VDAC1: variants seen among roughly 807,000 people sequenced by gnomAD.
The protein encoded by VDAC1 is voltage dependent anion channel 1.
A neutral mutation model predicts 34.7 loss-of-function variants in VDAC1; 10 were observed. The observed-to-expected ratio is 0.29, with a 90% CI of 0.18 to 0.49. VDAC1 has a LOEUF of 0.49. Ranked by LOEUF, VDAC1 falls within the 20% of genes least tolerant of loss-of-function variation. The pLI is 0.99. For synonymous variants in VDAC1, 130 were observed against 136.0 expected (o/e 0.96, Z 0.30); for missense variants, 230 against 347.9 (o/e 0.66, Z 2.69).
the VDAC1 span, among the ~76,000 whole-genome samples, chr5:134,041,229 G>C: frequency 6.6e-6 from 1 of 152,238 alleles, no homozygotes; most frequent in Non-Finnish European, 1.5e-5. Context: ...GGGAATGACA[G>C]AGCTCACCTT....
the VDAC1 span, among the ~76,000 whole-genome samples, chr5:134,073,636 G>A: frequency 6.6e-6 from 1 of 152,206 alleles, no homozygotes; most frequent in African/African-American, 2.4e-5. Context: ...TGGAAACAAT[G>A]TGAATGTTCA....
intron 1 of VDAC1, among the ~76,000 whole-genome samples, chr5:134,003,267 G>C (rs1561602292): frequency 6.6e-6 from 1 of 152,146 alleles, no homozygotes; most frequent in Non-Finnish European, 1.5e-5. Flanking sequence ...AGCTGGGGTG[G>C]GCAGAATGAA....
intron 1 of VDAC1, 200 bp downstream of exon 1, chr5:134,004,695 G>T: frequency 1.3e-5 from 2 of 151,842 alleles, no homozygotes; most frequent in South Asian, 4.0e-4. Flanking sequence ...CGGGGGCTGC[G>T]ACGCGGAGGC....
At chr5:134,081,685 G>GA in the VDAC1 span, among the ~76,000 whole-genome samples, 2 of 151,894 alleles carry the variant, frequency 1.3e-5, no homozygotes, top group Non-Finnish European at 2.9e-5. Flanking sequence ...TCCAGTCTTA[G>GA]AACCTCCCAC....
chr5:134,084,235 G>A, the VDAC1 span, among the ~76,000 whole-genome samples: 1 of 152,188 alleles, frequency 6.6e-6, no homozygotes, highest in Non-Finnish European at 1.5e-5. Flanking sequence ...GGCAGGGAGT[G>A]TGGACACAGA....
the VDAC1 span, among the ~76,000 whole-genome samples, chr5:134,097,438 A>G: frequency 6.6e-6 from 1 of 152,324 alleles, no homozygotes; most frequent in East Asian, 1.9e-4. Context: ...AGGTTTTTAA[A>G]ATTAGATCAT....
chr5:134,092,595 G>A, the VDAC1 span, among the ~76,000 whole-genome samples: 2 of 151,392 alleles, frequency 1.3e-5, no homozygotes, highest in African/African-American at 4.9e-5. Context: ...AGAATCGCTT[G>A]AACCCAGGAG....
chr5:134,051,853 C>T, the VDAC1 span, among the ~76,000 whole-genome samples: 1 of 152,054 alleles, frequency 6.6e-6, no homozygotes, highest in African/African-American at 2.4e-5. Context: ...CACCTGTCAT[C>T]ATGCCCAGCT....
chr5:134,097,833 T>C, the VDAC1 span, among the ~76,000 whole-genome samples: 83 of 152,290 alleles, frequency 5.5e-4, no homozygotes, highest in Middle Eastern at 3.4e-3. Context: ...ACAGTACAAG[T>C]CTTGCCAACA....
At chr5:133,973,389 G>A (rs376233030) in intron 8 of VDAC1, among the ~76,000 whole-genome samples, 3 of 152,186 alleles carry the variant, frequency 2.0e-5, no homozygotes, top group South Asian at 4.1e-4. Context: ...ACTATAATAC[G>A]CCGTGGACTG....
At chr5:134,028,234 G>C in the VDAC1 span, among the ~76,000 whole-genome samples, 2 of 152,036 alleles carry the variant, frequency 1.3e-5, no homozygotes, top group East Asian at 3.9e-4. Context: ...CCAGGTTCAA[G>C]CAATTCTCCT....
chr5:133,996,188 G>A (rs981299564), intron 1 of VDAC1, among the ~76,000 whole-genome samples: 2 of 152,214 alleles, frequency 1.3e-5, no homozygotes, highest in Admixed American at 6.5e-5. Flanking sequence ...TGGGGGCTTT[G>A]TTCCCACTGG....
chr5:134,022,172 C>G, the VDAC1 span, among the ~76,000 whole-genome samples: 1 of 152,174 alleles, frequency 6.6e-6, no homozygotes, highest in African/African-American at 2.4e-5. Context: ...AGCCACTGTG[C>G]CCAGCTGAAA....
chr5:133,973,364 T>C (rs1444980563), intron 8 of VDAC1, among the ~76,000 whole-genome samples: 2 of 152,212 alleles, frequency 1.3e-5, no homozygotes, highest in East Asian at 3.8e-4. Flanking sequence ...GGTTCAAAAG[T>C]GGTTATACAC....
the VDAC1 span, among the ~76,000 whole-genome samples, chr5:134,113,995 G>A: frequency 6.6e-6 from 1 of 152,222 alleles, no homozygotes; most frequent in Non-Finnish European, 1.5e-5. Context: ...GGACTTGGAG[G>A]ATCGGCTGAG....
chr5:133,981,578 A>T (rs1752701124), intron 5 of VDAC1, among the ~76,000 whole-genome samples: 1 of 152,208 alleles, frequency 6.6e-6, no homozygotes, highest in African/African-American at 2.4e-5. Flanking sequence ...AGGAAGTGTT[A>T]GTTAGCCAGA....
At chr5:134,068,966 C>CTGTGTGTGTGTGTGTGTG in the VDAC1 span, among the ~76,000 whole-genome samples, 37 of 136,690 alleles carry the variant, frequency 2.7e-4, no homozygotes, top group African/African-American at 7.7e-4. Flanking sequence ...TGGGAGGTGA[C>CTGTGTGTGTGTGTGTGTG]TGTGTGTGTG....
At chr5:134,102,340 C>A in the VDAC1 span, among the ~76,000 whole-genome samples, 2 of 147,228 alleles carry the variant, frequency 1.4e-5, no homozygotes, top group Non-Finnish European at 2.9e-5. Context: ...CTCTACCCCC[C>A]CCACCCCAAA....
At chr5:134,006,549 C>G (rs1753754672), upstream of VDAC1, among the ~76,000 whole-genome samples, 1 of 152,052 alleles carries the variant, frequency 6.6e-6, no homozygotes, top group Non-Finnish European at 1.5e-5. Context: ...TCGAGACCAG[C>G]CTGGGCAACA....
Sources: gnomAD v4.1 joint callset for allele counts (sites outside exome capture counted in the v4.1 genomes callset) on GRCh38, gnomAD v4.1.1 for gene constraint, MANE v1.5 for transcripts, NCBI Gene and HGNC (gene_info 2026-07-23, HGNC 2026-07-21) for gene names.